The following TMEM50B variants were observed in gnomAD, a reference collection of about 807,000 sequenced individuals.
TMEM50B encodes transmembrane protein 50B, also known as HCV p7-trans-regulated protein 3.
A neutral mutation model predicts 23.4 loss-of-function variants in TMEM50B; 14 were observed. The ratio of observed to expected loss-of-function variants is 0.60; its 90% CI spans 0.39 to 0.93. The LOEUF (loss-of-function observed/expected upper bound fraction) is 0.93. Among genes scored for constraint, TMEM50B ranks in the 40% least tolerant of loss-of-function variants. TMEM50B has a pLI of 0.00. For synonymous variants in TMEM50B, 64 were observed against 62.3 expected, an observed-to-expected ratio of 1.03 and a Z score of -0.13; for missense variants, 159 against 193.0, an observed-to-expected ratio of 0.82 and a Z score of 1.04.
At chr21:33,464,804 C>CAAAAAAAAAAAAAAAAAAAAAAAAAA (rs59855166) in intron 4 of TMEM50B, among the ~76,000 whole-genome samples, 35 of 100,872 alleles carry the variant, frequency 3.5e-4, no homozygotes, top group East Asian at 5.4e-4. Flanking sequence ...AACTCCGTCT[C>CAAAAAAAAAAAAAAAAAAAAAAAAAA]AAAAAAAAAA....
intron 4 of TMEM50B, among the ~76,000 whole-genome samples, chr21:33,461,971 G>C (rs749597611): frequency 1.3e-5 from 2 of 152,036 alleles, no homozygotes; most frequent in Non-Finnish European, 2.9e-5. Context: ...GTATGCTTTT[G>C]TTTAGCAAAA....
At chr21:33,471,470 A>G (rs2084314787) in intron 1 of TMEM50B, among the ~76,000 whole-genome samples, 1 of 152,212 alleles carries the variant, frequency 6.6e-6, no homozygotes, top group Non-Finnish European at 1.5e-5. Context: ...GCAGACAAAG[A>G]CTTTAAAGCA....
chr21:33,468,970 T>G (rs997742733), intron 1 of TMEM50B, 44 bp from the exon 2 acceptor site: 9 of 1,069,266 alleles, frequency 8.4e-6, no homozygotes, highest in Middle Eastern at 4.1e-4. Flanking sequence ...AGAAAATGTT[T>G]TCTAAAAGTA....
intron 2 of TMEM50B, among the ~76,000 whole-genome samples, chr21:33,467,397 G>A (rs1431157843): frequency 3.9e-5 from 6 of 152,164 alleles, no homozygotes; most frequent in Admixed American, 6.5e-5. Flanking sequence ...GCCAACACGC[G>A]CAAATCACCT....
At chr21:33,432,779 G>A (rs2083902159) in exon 9 of TMEM50B, 1 of 1,613,908 alleles carries the variant, frequency 6.2e-7, no homozygotes, top group Non-Finnish European at 8.5e-7. Flanking sequence ...GTCGGTGCTG[G>A]CAGGAGCCTG....
At chr21:33,447,297 A>T (rs1049611677), downstream of TMEM50B, among the ~76,000 whole-genome samples, 2 of 152,138 alleles carry the variant, frequency 1.3e-5, no homozygotes, top group Non-Finnish European at 1.5e-5. Flanking sequence ...GAAAGGTGCA[A>T]CTAAATCTAA....
In TMEM50B at chr21:33,464,804, C is replaced by CAAAAAAAAAAAAAAAAAAAAAAA. The variant is rs59855166; in HGVS notation, c.280+537_280+538insTTTTTTTTTTTTTTTTTTTTTTT. Among the ~76,000 whole-genome samples the CAAAAAAAAAAAAAAAAAAAAAAA allele has an allele frequency of 2.0e-3, 206 of 100,834 alleles. 2 individuals carry two copies. The highest frequency in any genetic ancestry group is 5.0e-3 in the Middle Eastern group (1 of 200). 66.2% of individuals were successfully genotyped at this position (100,834 alleles called of 152,430 possible). ...GGGAAAGAAGAGCTAAACTCCGTCTCAAAAAAAAAAAAAAAAAAAACAAAA... is the reference window on the plus strand; with the variant it reads ...GGGAAAGAAGAGCTAAACTCCGTCTCAAAAAAAAAAAAAAAAAAAAAAAAAAAAAAAAAAAAAAAAAAACAAAA... On this transcript the variant is annotated intron_variant, in intron 4 of 6. Coordinates refer to ENST00000542230, the MANE Select transcript of TMEM50B (RefSeq NM_006134.7).
At chr21:33,440,622 C>T (rs1158299778) in intron 7 of TMEM50B, among the ~76,000 whole-genome samples, 1 of 151,538 alleles carries the variant, frequency 6.6e-6, no homozygotes, top group Non-Finnish European at 1.5e-5. Flanking sequence ...GGGGCTCACG[C>T]TTGTAATCCC....
intron 7 of TMEM50B, among the ~76,000 whole-genome samples, chr21:33,441,571 T>TA (rs2084009279): frequency 6.6e-6 from 1 of 152,140 alleles, no homozygotes; most frequent in South Asian, 2.1e-4. Flanking sequence ...GTTTGTTGTG[T>TA]AAGGCGGTGA....
intron 1 of TMEM50B, among the ~76,000 whole-genome samples, chr21:33,474,969 C>T (rs2084354780): frequency 6.6e-6 from 1 of 151,138 alleles, no homozygotes; most frequent in Non-Finnish European, 1.5e-5. Flanking sequence ...CTCTGTCACC[C>T]AGGATGGAGT....
intron 8 of TMEM50B, among the ~76,000 whole-genome samples, chr21:33,436,530 G>A (rs903368340): frequency 2.6e-5 from 4 of 151,836 alleles, no homozygotes; most frequent in Non-Finnish European, 4.4e-5. Flanking sequence ...TGAGACCAGC[G>A]TGGCCAACAT....
chr21:33,452,556 G>A (rs2084131630), intron 6 of TMEM50B, among the ~76,000 whole-genome samples: 1 of 152,218 alleles, frequency 6.6e-6, no homozygotes, highest in Non-Finnish European at 1.5e-5. Context: ...GCATCAGAGA[G>A]TGGAAACACT....
intron 7 of TMEM50B, among the ~76,000 whole-genome samples, chr21:33,443,666 T>G (rs1295436422): frequency 6.6e-6 from 1 of 152,140 alleles, no homozygotes; most frequent in African/African-American, 2.4e-5. Flanking sequence ...ACAGGGGTAA[T>G]CTGAAGAATT....
chr21:33,454,687 C>T (rs771944859), intron 6 of TMEM50B, among the ~76,000 whole-genome samples: 3 of 151,762 alleles, frequency 2.0e-5, no homozygotes, highest in Non-Finnish European at 2.9e-5. Flanking sequence ...TCCCGAAAGG[C>T]TAGTCAAGTG....
rs1476355417 is a variant in TMEM50B, at chr21:33,477,382, TTATAA to T, written c.-42+2451_-42+2455del. ...TATTATCATCAGTTGCCGAGCAATA[TTATAA>T]TATAATACCCTCCTAGGGAATGGAA... On this transcript the variant is annotated intron_variant, in intron 1 of 6. Coordinates refer to ENST00000542230, the MANE Select transcript of TMEM50B (RefSeq NM_006134.7). 5.3e-5 allele frequency among the ~76,000 whole-genome samples: 8 copies of T among 152,280 alleles called. No homozygotes were observed. The East Asian group carries it at 9.6e-4, about 18-fold the overall frequency.
downstream of TMEM50B, among the ~76,000 whole-genome samples, chr21:33,448,044 G>A (rs1004640564): frequency 6.6e-6 from 1 of 152,150 alleles, no homozygotes; most frequent in African/African-American, 2.4e-5. Flanking sequence ...CCAAGCTGGA[G>A]TGCAGTTGCA....
chr21:33,468,423 T>G (rs1179062061), intron 2 of TMEM50B: 2 of 183,274 alleles, frequency 1.1e-5, no homozygotes, highest in Non-Finnish European at 2.3e-5. Flanking sequence ...GTACTGTCAC[T>G]GTTGTCTGAC....
chr21:33,475,275 A>G (rs2084357986), intron 1 of TMEM50B, among the ~76,000 whole-genome samples: 1 of 152,174 alleles, frequency 6.6e-6, no homozygotes, highest in Non-Finnish European at 1.5e-5. Context: ...GATCATTGCA[A>G]TAGTATTCTT....
At chr21:33,444,537 C>G (rs1369905444), downstream of TMEM50B, among the ~76,000 whole-genome samples, 2 of 150,238 alleles carry the variant, frequency 1.3e-5, no homozygotes, top group African/African-American at 4.9e-5. Context: ...AGAGCCAGAC[C>G]CTGTCTCAAA....
Sources: allele counts gnomAD v4.1 joint callset (sites outside exome capture counted in the v4.1 genomes callset), GRCh38; gene constraint gnomAD v4.1.1; transcripts MANE v1.5; gene names NCBI Gene and HGNC (gene_info 2026-07-23, HGNC 2026-07-21).